The following EYS variants were observed in gnomAD, a reference collection of about 807,000 sequenced individuals.
EYS encodes protein eyes shut homolog.
Under a neutral mutation model 282.1 loss-of-function variants are expected in EYS, and 250 were observed. The ratio of observed to expected loss-of-function variants is 0.89; its 90% CI spans 0.80 to 0.98. EYS has a LOEUF of 0.98. Ranked by LOEUF, EYS falls within the 50% of genes least tolerant of loss-of-function variation. EYS has a pLI of 0.00. For missense variants in EYS, 4,016 were observed against 3,709.0 expected, an observed-to-expected ratio of 1.08 and a Z score of -2.15; for synonymous variants, 1,355 against 1,282.9, an observed-to-expected ratio of 1.06 and a Z score of -1.20.
chr6:65,612,214 A>G (rs1040061923), intron 2 of EYS, among the ~76,000 whole-genome samples: 1 of 150,756 alleles, frequency 6.6e-6, no homozygotes, highest in African/African-American at 2.4e-5. Context: ...ATGTATATAT[A>G]TGATATATAT....
intron 22 of EYS, among the ~76,000 whole-genome samples, chr6:64,702,413 A>G (rs1225602761): frequency 6.6e-6 from 1 of 152,108 alleles, no homozygotes; most frequent in Non-Finnish European, 1.5e-5. Flanking sequence ...GTAAAATAAA[A>G]TTTAAAACTG....
intron 13 of EYS, among the ~76,000 whole-genome samples, chr6:65,021,035 C>T (rs1772239008): frequency 6.6e-6 from 1 of 152,282 alleles, no homozygotes; most frequent in Middle Eastern, 3.4e-3. Flanking sequence ...CCTTTTAGAT[C>T]TCCAAGCCTG....
intron 12 of EYS, among the ~76,000 whole-genome samples, chr6:65,249,075 AAAAAC>A (rs1195222463): frequency 6.6e-6 from 1 of 151,702 alleles, no homozygotes; most frequent in Non-Finnish European, 1.5e-5. Context: ...GTGAAAAAAA[AAAAAC>A]AAAACTCAAA....
At position 65,306,832 on chromosome 6, in the gene EYS, C is replaced by CAAAAAAAAAAAA. The variant is rs201743269; in HGVS notation, c.1767-10725_1767-10714dup. ...TGGGCAGCAGAGCAAGAGTCCGTCTCAAAAAAAAAAAAAAAAAAAAAAAAA... is the reference window on the plus strand; with the variant it reads ...TGGGCAGCAGAGCAAGAGTCCGTCTCAAAAAAAAAAAAAAAAAAAAAAAAAAAAAAAAAAAAA... On this transcript the variant is annotated intron_variant, in intron 11 of 42. Coordinates refer to ENST00000503581, the MANE Select transcript of EYS (RefSeq NM_001142800.2). 2.1e-3 allele frequency among the ~76,000 whole-genome samples: 111 copies of CAAAAAAAAAAAA among 51,746 alleles called. 1 individual carries two copies. The highest frequency in any genetic ancestry group is 2.6e-3 in the Non-Finnish European group (79 of 29,970). The allele number at this position is 51,746 out of a possible 152,430, so 33.9% of individuals were successfully genotyped here.
chr6:64,322,206 T>A (rs1023750481), intron 29 of EYS, among the ~76,000 whole-genome samples: 1 of 151,956 alleles, frequency 6.6e-6, no homozygotes, highest in Non-Finnish European at 1.5e-5. Context: ...CGACATTTTT[T>A]CCCCAAGCTG....
chr6:64,243,907 A>C (rs1325828150), intron 30 of EYS, among the ~76,000 whole-genome samples: 1 of 152,178 alleles, frequency 6.6e-6, no homozygotes, highest in Non-Finnish European at 1.5e-5. Context: ...CAAGTTTTTC[A>C]AGTTATAAAT....
chr6:64,507,455 C>T (rs549660616), intron 26 of EYS, among the ~76,000 whole-genome samples: 6 of 152,122 alleles, frequency 3.9e-5, no homozygotes, highest in Non-Finnish European at 8.8e-5. Flanking sequence ...ATTGTCCATT[C>T]CCTATATATG....
At chr6:64,262,082 C>T (rs537853324) in intron 30 of EYS, among the ~76,000 whole-genome samples, 2 of 152,074 alleles carry the variant, frequency 1.3e-5, no homozygotes, top group South Asian at 2.1e-4. Context: ...TTGTATAAGT[C>T]CCATTTAGAT....
At chr6:65,479,509 CAG>C (rs1398710480) in intron 5 of EYS, among the ~76,000 whole-genome samples, 1 of 152,090 alleles carries the variant, frequency 6.6e-6, no homozygotes, top group African/African-American at 2.4e-5. Flanking sequence ...TAGAATAGAA[CAG>C]AGATTACAGA....
At chr6:64,512,972 A>G (rs945084433) in intron 26 of EYS, among the ~76,000 whole-genome samples, 21 of 151,844 alleles carry the variant, frequency 1.4e-4, no homozygotes, top group Non-Finnish European at 5.9e-5. Context: ...CAATGAATAT[A>G]TAATTCCTAG....
At position 64,590,929 on chromosome 6, in the gene EYS, T is replaced by C; in HGVS notation, c.4938A>G (p.Glu1646=). 1 of 1,550,856 alleles carries C rather than the reference T, an allele frequency of 6.4e-7. No homozygotes were observed. Among genetic ancestry groups the C allele is most frequent in the Non-Finnish European group, 8.7e-7 (1 of 1,146,696 alleles). The part of the protein sequence containing the change: ...AKRTILSSSL[E]ESITLSSNLD... ...AATTACTTGATAGGGTAATGGATTC[T>C]TCCAAGGATGAGGATAAAATTGTTC... The change falls in exon 26 of 43, where the codon GAA becomes GAG. Residue 1646 remains glutamate, a synonymous_variant. Transcript: ENST00000503581.
intron 41 of EYS, among the ~76,000 whole-genome samples, chr6:63,750,143 C>T (rs1769307710): frequency 6.6e-6 from 1 of 152,050 alleles, no homozygotes; most frequent in Admixed American, 6.6e-5. Context: ...TTATTTTGTT[C>T]ATGCATAATT....
intron 36 of EYS, among the ~76,000 whole-genome samples, chr6:63,815,182 A>G (rs1340123988): frequency 6.6e-6 from 1 of 152,204 alleles, no homozygotes; most frequent in Non-Finnish European, 1.5e-5. Flanking sequence ...CAATTATAGT[A>G]TCTATTATGT....
At chr6:64,718,144 G>T (rs989284140) in intron 22 of EYS, among the ~76,000 whole-genome samples, 1 of 152,150 alleles carries the variant, frequency 6.6e-6, no homozygotes. Context: ...TGAATTTCCT[G>T]TTTACTTATG....
intron 13 of EYS, among the ~76,000 whole-genome samples, chr6:65,032,068 A>G (rs1266098323): frequency 6.6e-6 from 1 of 152,104 alleles, no homozygotes; most frequent in African/African-American, 2.4e-5. Flanking sequence ...AAAAACAAAA[A>G]CAAACAAACA....
chr6:65,315,252 C>T (rs1443613517), intron 11 of EYS, among the ~76,000 whole-genome samples: 1 of 152,152 alleles, frequency 6.6e-6, no homozygotes, highest in Middle Eastern at 3.4e-3. Flanking sequence ...CTCTCAAATA[C>T]CATGATAGGG....
chr6:64,507,753 ATTT>A (rs34776282), intron 26 of EYS, among the ~76,000 whole-genome samples: 45,454 of 151,778 alleles, frequency 0.3, 6,775 homozygotes, highest in East Asian at 0.47. Context: ...CCCCACATTT[ATTT>A]AAAAATTCCA....
intron 41 of EYS, among the ~76,000 whole-genome samples, chr6:63,752,373 A>ATAT (rs139984536): frequency 0.14 from 21,633 of 151,950 alleles, 1,715 homozygotes; most frequent in African/African-American, 0.21. Flanking sequence ...AGTACTATGA[A>ATAT]TATTATGCCT....
intron 12 of EYS, among the ~76,000 whole-genome samples, chr6:65,261,218 G>GTTATTTTT (rs985572130): frequency 6.6e-6 from 1 of 151,610 alleles, no homozygotes; most frequent in African/African-American, 2.4e-5. Flanking sequence ...TTAATCAATG[G>GTTATTTTT]TTATTTTTTA....
Sources: allele counts gnomAD v4.1 joint callset (sites outside exome capture counted in the v4.1 genomes callset), GRCh38; gene constraint gnomAD v4.1.1; transcripts MANE v1.5; gene names NCBI Gene and HGNC (gene_info 2026-07-23, HGNC 2026-07-21).